INTU: variants seen among roughly 807,000 people sequenced by gnomAD.
INTU encodes protein inturned.
INTU carries 68 observed loss-of-function variants against 100.5 expected under a neutral mutation model. That is an observed-to-expected ratio of 0.68 (90% CI 0.56 to 0.83). The LOEUF (loss-of-function observed/expected upper bound fraction) is 0.83. Among genes scored for constraint, INTU ranks in the 40% least tolerant of loss-of-function variants. The pLI is 0.00. For synonymous variants in INTU, 357 were observed against 395.7 expected, an observed-to-expected ratio of 0.90 and a Z score of 1.16; for missense variants, 1,071 against 1,114.7, an observed-to-expected ratio of 0.96 and a Z score of 0.56.
Position 127,720,529 on chromosome 4 carries a change from A to G in INTU, c.*4093A>G, listed in dbSNP as rs775898769. On this transcript the variant is annotated 3_prime_UTR_variant, in exon 16 of 16. Coordinates refer to ENST00000335251, the MANE Select transcript of INTU (RefSeq NM_015693.4). ...ATCCAGAGCTGAGGTCAAGTCCTGA[A>G]TAACTTTGTTAATTTTCTGTCTCGA... 2 of 152,172 alleles carry G rather than the reference A, an allele frequency of 1.3e-5. No homozygotes were observed. The highest frequency in any genetic ancestry group is 2.4e-5 in the African/African-American group (1 of 41,426). The allele number at this position is 152,172 out of a possible 1,614,324, so 9.4% of individuals were successfully genotyped here.
At chr4:127,681,885 A>G (rs1371377852) in intron 6 of INTU, among the ~76,000 whole-genome samples, 1 of 152,156 alleles carries the variant, frequency 6.6e-6, no homozygotes, top group Non-Finnish European at 1.5e-5. Flanking sequence ...AGAATCTACA[A>G]TGAACTCAAA....
chr4:127,685,327 C>T (rs1434016274), intron 7 of INTU: 1 of 324,946 alleles, frequency 3.1e-6, no homozygotes, highest in African/African-American at 2.2e-5. Flanking sequence ...ATGTTTAAAG[C>T]CTTAGGAGTA....
intron 2 of INTU, among the ~76,000 whole-genome samples, chr4:127,654,193 CTT>C (rs1578547940): frequency 1.3e-5 from 2 of 151,574 alleles, no homozygotes; most frequent in African/African-American, 4.9e-5. Flanking sequence ...CAGTCTGTGT[CTT>C]TTAACTGGAG....
At chr4:127,635,858 G>A (rs953400078) in intron 1 of INTU, among the ~76,000 whole-genome samples, 1 of 152,124 alleles carries the variant, frequency 6.6e-6, no homozygotes, top group Non-Finnish European at 1.5e-5. Flanking sequence ...ATAGGAGTTT[G>A]TAGTTTCTAA....
chr4:127,698,063 T>G (rs1019266730), intron 8 of INTU, among the ~76,000 whole-genome samples: 2 of 152,118 alleles, frequency 1.3e-5, no homozygotes, highest in Non-Finnish European at 2.9e-5. Flanking sequence ...GAGGTTGCGG[T>G]GAGCTGAGTT....
intron 8 of INTU, among the ~76,000 whole-genome samples, chr4:127,696,532 C>A (rs58439665): frequency 3.3e-5 from 5 of 151,892 alleles, no homozygotes; most frequent in African/African-American, 4.8e-5. Flanking sequence ...ATGCCCCCCC[C>A]CTTTCATTTC....
chr4:127,684,304 A>G, intron 6 of INTU, 105 bp from the exon 7 acceptor site: 1 of 668,962 alleles, frequency 1.5e-6, no homozygotes, highest in Non-Finnish European at 2.6e-6. Flanking sequence ...TGACACACAT[A>G]CTTTTCACAT....
Position 127,718,273 on chromosome 4 carries a change from GT to G in INTU, c.*1839del, listed in dbSNP as rs1436716027. ...CCCATTGCTTGTTTTTCTCAGGTTTGTTGAAGATCAGATGGTTGTAGATGTG... is the reference window on the plus strand; with the variant it reads ...CCCATTGCTTGTTTTTCTCAGGTTTGTGAAGATCAGATGGTTGTAGATGTG... On this transcript the variant is annotated 3_prime_UTR_variant, in exon 16 of 16. Transcript: ENST00000335251. 2 of 152,080 alleles carry G rather than the reference GT, an allele frequency of 1.3e-5. No homozygotes were observed. The highest frequency in any genetic ancestry group is 4.8e-5 in the African/African-American group (2 of 41,406). The allele number at this position is 152,080 out of a possible 1,614,324, so 9.4% of individuals were successfully genotyped here.
At chr4:127,637,659 C>T (rs1302158255) in intron 1 of INTU, among the ~76,000 whole-genome samples, 1 of 152,152 alleles carries the variant, frequency 6.6e-6, no homozygotes, top group East Asian at 1.9e-4. Flanking sequence ...TTGGCACTTG[C>T]ATTTCAGCCA....
chr4:127,699,827 T>G (rs1730566278), intron 8 of INTU, among the ~76,000 whole-genome samples, 183 bp from the exon 9 acceptor site: 1 of 152,222 alleles, frequency 6.6e-6, no homozygotes, highest in Non-Finnish European at 1.5e-5. Context: ...ATAAGTAAAC[T>G]GTTTTACAGT....
intron 3 of INTU, 33 bp from the exon 4 acceptor site, chr4:127,663,348 C>G: frequency 6.5e-7 from 1 of 1,543,586 alleles, no homozygotes. Flanking sequence ...TTTCCCTTGT[C>G]GAAAAGTCAA....
rs1727903143 is a variant in INTU, at chr4:127,651,947, T to C, written c.683-4689T>C. Among the ~76,000 whole-genome samples the C allele has an allele frequency of 4.0e-5, 6 of 151,040 alleles. No individual in the cohort carries two copies. In the South Asian group the frequency reaches 1.3e-3, roughly 32 times the overall value. ...AGAGGTCCTTCACATCCCTTGTAAG[T>C]TGGATCCCTAGGTATTTTATTCTCT... On this transcript the variant is annotated intron_variant, in intron 2 of 15. Transcript: ENST00000335251.
chr4:127,671,108 A>G (rs992463570), intron 5 of INTU, among the ~76,000 whole-genome samples: 1 of 152,066 alleles, frequency 6.6e-6, no homozygotes, highest in Non-Finnish European at 1.5e-5. Flanking sequence ...CAAAAAATAG[A>G]TAAGTAGGTC....
chr4:127,674,235 C>A, intron 6 of INTU, 22 bp downstream of exon 6: 1 of 1,517,324 alleles, frequency 6.6e-7, no homozygotes, highest in East Asian at 2.3e-5. Flanking sequence ...TTTTGCTTAC[C>A]TTAAAATCAT....
intron 5 of INTU, among the ~76,000 whole-genome samples, chr4:127,672,501 T>C (rs1728977730): frequency 6.6e-6 from 1 of 150,814 alleles, no homozygotes; most frequent in African/African-American, 2.4e-5. Flanking sequence ...TTTTTTCTAC[T>C]GTAAAGAATA....
chr4:127,716,507 C>A lies in INTU; in HGVS notation c.*71C>A. The A allele has an allele frequency of 1.7e-6, 1 of 599,572 alleles. No individual in the cohort carries two copies. The highest frequency in any genetic ancestry group is 3.4e-5 in the South Asian group (1 of 29,830). The allele number at this position is 599,572 out of a possible 1,614,324, so 37.1% of individuals were successfully genotyped here. A position where few individuals can be genotyped will look rare whatever the true frequency, so the allele number is the denominator to read the frequency against. ...ACTGTCAGAATTGCTGAAATCAATA[C>A]ACAAAGAGATAAAGTTTAGCTTCTT... On this transcript the variant is annotated 3_prime_UTR_variant, in exon 16 of 16. Transcript: ENST00000335251.
At position 127,725,992 on chromosome 4, in the gene INTU, G is replaced by C. The variant is rs1024153850; in HGVS notation, c.*9556G>C. 6.6e-6 allele frequency: 1 copy of C among 152,116 alleles called. No individual in the cohort carries two copies. Among genetic ancestry groups the C allele is most frequent in the Non-Finnish European group, 1.5e-5 (1 of 68,016 alleles). The allele number at this position is 152,116 out of a possible 1,614,324, so 9.4% of individuals were successfully genotyped here. On this transcript the variant is annotated 3_prime_UTR_variant, in exon 16 of 16. Coordinates refer to ENST00000335251, the MANE Select transcript of INTU (RefSeq NM_015693.4). ...AATATGCTTTAGAAGACATAGAAAC[G>C]TTGTTAAATTGGATTTTATTAGTAT...
intron 2 of INTU, among the ~76,000 whole-genome samples, chr4:127,655,182 C>G (rs938476925): frequency 6.6e-6 from 1 of 151,806 alleles, no homozygotes; most frequent in African/African-American, 2.4e-5. Context: ...CCTCTCGTAG[C>G]TCAGAGTAAT....
intron 11 of INTU, 83 bp downstream of exon 11, chr4:127,705,895 C>A: frequency 1.0e-6 from 1 of 980,994 alleles, no homozygotes. Flanking sequence ...AGGGATGCAG[C>A]GGTAGGTAGG....
Sources: allele counts gnomAD v4.1 joint callset (sites outside exome capture counted in the v4.1 genomes callset), GRCh38; gene constraint gnomAD v4.1.1; transcripts MANE v1.5; gene names NCBI Gene and HGNC (gene_info 2026-07-23, HGNC 2026-07-21).